The following CELA3B variants were observed in gnomAD, a reference collection of about 807,000 sequenced individuals.
CELA3B encodes the protein chymotrypsin like elastase 3B, also known as chymotrypsin-like elastase family member 3B.
Under a neutral mutation model 37.2 loss-of-function variants are expected in CELA3B, and 34 were observed. The ratio of observed to expected loss-of-function variants is 0.91; its 90% CI spans 0.70 to 1.22. CELA3B has a LOEUF of 1.22. Ranked by LOEUF, CELA3B falls within the 50% of genes most tolerant of loss-of-function variation. The probability of loss-of-function intolerance (pLI) is 0.00; values close to 1 mark genes in which losing one functional copy is unlikely to be tolerated. For synonymous variants in CELA3B, 127 were observed against 143.5 expected, an observed-to-expected ratio of 0.89 and a Z score of 0.82; for missense variants, 340 against 363.1, an observed-to-expected ratio of 0.94 and a Z score of 0.52.
intron 7 of CELA3B, among the ~76,000 whole-genome samples, chr1:21,988,308 A>G (rs1644851077): frequency 6.6e-6 from 1 of 150,976 alleles, no homozygotes; most frequent in African/African-American, 2.4e-5. Context: ...ATATATATAT[A>G]AGGCCAGGCA....
chr1:21,986,142 G>A (rs1326126611), intron 6 of CELA3B, among the ~76,000 whole-genome samples: 1 of 151,048 alleles, frequency 6.6e-6, no homozygotes, highest in African/African-American at 2.4e-5. Flanking sequence ...GCCCCGGCAG[G>A]TGGATCACCT....
At chr1:21,997,788 A>G (rs1221735466) in intron 4 of CELA3B, among the ~76,000 whole-genome samples, 1 of 151,432 alleles carries the variant, frequency 6.6e-6, no homozygotes, top group Non-Finnish European at 1.5e-5. Flanking sequence ...GAGTTACAAC[A>G]ATATAGCTAG....
At chr1:21,987,042 G>T (rs1488940492) in intron 7 of CELA3B, 1 of 376,528 alleles carries the variant, frequency 2.7e-6, no homozygotes, top group East Asian at 7.1e-5. Flanking sequence ...GATGCAGTCT[G>T]ATGAGAGCCG....
downstream of CELA3B, among the ~76,000 whole-genome samples, chr1:21,989,755 T>C (rs1462367193): frequency 1.3e-5 from 2 of 151,004 alleles, no homozygotes; most frequent in Non-Finnish European, 2.9e-5. Flanking sequence ...CTTCCACTGA[T>C]GGGCTGGGGG....
chr1:21,984,717 C>T (rs1343662637), intron 6 of CELA3B, among the ~76,000 whole-genome samples: 5 of 152,106 alleles, frequency 3.3e-5, no homozygotes, highest in Admixed American at 1.3e-4. Flanking sequence ...GAGGCCAAGG[C>T]GTGTGGATCA....
At chr1:21,979,656 G>A (rs1329853097) in intron 2 of CELA3B, among the ~76,000 whole-genome samples, 1 of 150,890 alleles carries the variant, frequency 6.6e-6, no homozygotes, top group Non-Finnish European at 1.5e-5. Context: ...GTCTCACTAT[G>A]TTGCCCAGGC....
chr1:21,985,733 T>C (rs1644833697), intron 6 of CELA3B, among the ~76,000 whole-genome samples: 1 of 151,744 alleles, frequency 6.6e-6, no homozygotes, highest in African/African-American at 2.4e-5. Flanking sequence ...CTACTAAAAA[T>C]ACAAAAAATT....
downstream of CELA3B, among the ~76,000 whole-genome samples, chr1:21,994,180 G>C (rs1644879796): frequency 6.6e-6 from 1 of 150,956 alleles, no homozygotes; most frequent in African/African-American, 2.5e-5. Flanking sequence ...GCAGGGGCAG[G>C]CTGGATTTCC....
intron 4 of CELA3B, among the ~76,000 whole-genome samples, chr1:21,995,613 C>T (rs1173084286): frequency 1.3e-5 from 2 of 150,756 alleles, no homozygotes; most frequent in African/African-American, 2.5e-5. Context: ...TTTTTTTCAT[C>T]TGGAATGTGG....
chr1:21,996,333 T>C (rs1644890128), intron 4 of CELA3B, among the ~76,000 whole-genome samples: 1 of 151,118 alleles, frequency 6.6e-6, no homozygotes, highest in South Asian at 2.1e-4. Flanking sequence ...ATAAAACAGT[T>C]TGCAGTAAAG....
rs370791247 is a variant in CELA3B, at chr1:21,977,118, G to C, written c.43+36G>C. 10 of 1,613,756 alleles carry C rather than the reference G, an allele frequency of 6.2e-6. No individual in the cohort carries two copies. The African/African-American group carries it at 9.3e-5, about 15-fold the overall frequency. On this transcript the variant is annotated intron_variant, in intron 1 of 7. Coordinates refer to ENST00000337107, the MANE Select transcript of CELA3B (RefSeq NM_007352.4). Reference sequence around the variant, plus strand: ...AACCTGTGTGTGTGCTCCCTGGGCTGCCCTAGATTAGGAATCCTTGAAATC... The same window carrying C: ...AACCTGTGTGTGTGCTCCCTGGGCTCCCCTAGATTAGGAATCCTTGAAATC...
chr1:21,987,142 A>AC (rs1286171810), intron 7 of CELA3B: 92 of 221,038 alleles, frequency 4.2e-4, no homozygotes, highest in Non-Finnish European at 7.3e-5. Flanking sequence ...TAGCTAAACA[A>AC]AAAAAAAAAA....
chr1:21,986,117 T>C (rs1423151898), intron 6 of CELA3B, among the ~76,000 whole-genome samples: 8 of 149,924 alleles, frequency 5.3e-5, no homozygotes, highest in African/African-American at 2.0e-4. Flanking sequence ...CTCACACCCA[T>C]AATCCCTTTG....
intron 6 of CELA3B, among the ~76,000 whole-genome samples, chr1:21,984,974 T>A (rs1644829103): frequency 6.6e-6 from 1 of 151,756 alleles, no homozygotes; most frequent in Non-Finnish European, 1.5e-5. Flanking sequence ...AAGTTATAAT[T>A]AAACATTAAG....
chr1:21,982,973 G>T (rs4466622), intron 4 of CELA3B, among the ~76,000 whole-genome samples: 134,185 of 152,156 alleles, frequency 0.88, 59,799 homozygotes, highest in Middle Eastern at 0.95. Context: ...AGCTGAACTG[G>T]GAGGGTTAAA....
At chr1:21,988,238 A>G (rs1644850686) in intron 7 of CELA3B, among the ~76,000 whole-genome samples, 1 of 149,608 alleles carries the variant, frequency 6.7e-6, no homozygotes, top group Non-Finnish European at 1.5e-5. Context: ...AAACAAACAA[A>G]AAAACAGTGA....
At chr1:21,978,170 C>T (rs1012164449) in intron 1 of CELA3B, among the ~76,000 whole-genome samples, 199 bp from the exon 2 acceptor site, 3 of 143,278 alleles carry the variant, frequency 2.1e-5, no homozygotes, top group African/African-American at 7.9e-5. Flanking sequence ...ATCTCTATCC[C>T]TGGAGTCTTG....
intron 4 of CELA3B, among the ~76,000 whole-genome samples, chr1:21,995,091 A>C (rs1644884847): frequency 6.7e-6 from 1 of 148,330 alleles, no homozygotes; most frequent in East Asian, 2.0e-4. Context: ...TATTTTGTGG[A>C]AGAGACCTGT....
rs754087388 is a variant in CELA3B, at chr1:21,978,429, C to T, written c.104C>T (p.Ala35Val). 27 of 1,613,952 alleles carry T rather than the reference C, an allele frequency of 1.7e-5. No homozygotes were observed. Among genetic ancestry groups the T allele is most frequent in the Middle Eastern group, 1.6e-4 (1 of 6,076 alleles). Residue 35 changes from alanine (A) to valine (V), a missense_variant, in exon 2 of 8, where the codon GCG (alanine) becomes GTG (valine). By Grantham distance (64) the Ala-to-Val change is moderately conservative. Transcript: ENST00000337107. Reference sequence around the variant, plus strand: ...AGCCGCGTTGTCAATGGTGAGGATGCGGTCCCCTACAGCTGGCCCTGGCAG... The same window carrying T: ...AGCCGCGTTGTCAATGGTGAGGATGTGGTCCCCTACAGCTGGCCCTGGCAG... ...PSSRVVNGEDAVPYSWPWQVS... is the reference protein window; with the variant it reads ...PSSRVVNGEDVVPYSWPWQVS...
Sources: gnomAD v4.1 joint callset for allele counts (sites outside exome capture counted in the v4.1 genomes callset) on GRCh38, gnomAD v4.1.1 for gene constraint, MANE v1.5 for transcripts, NCBI Gene and HGNC (gene_info 2026-07-23, HGNC 2026-07-21) for gene names.